Variants in NRG1 observed in about 807,000 individuals in gnomAD.
NRG1 encodes the protein pro-neuregulin-1, membrane-bound isoform.
NRG1 carries 18 observed loss-of-function variants against 63.8 expected under a neutral mutation model. That is an observed-to-expected ratio of 0.28 (90% CI 0.19 to 0.42). NRG1 has a LOEUF of 0.42. NRG1 is among the 10% of genes least tolerant of loss of function. The pLI is 1.00. For missense variants in NRG1, 762 were observed against 814.7 expected (o/e 0.94, Z 0.79); for synonymous variants, 302 against 301.3 (o/e 1.00, Z -0.02).
chr8:31,717,463 G>A (rs1004631524), intron 1 of NRG1, among the ~76,000 whole-genome samples: 1 of 151,294 alleles, frequency 6.6e-6, no homozygotes, highest in Non-Finnish European at 1.5e-5. Context: ...TAACATGGGG[G>A]CCTGGGTGAG....
At chr8:31,837,670 G>C (rs917580896) in intron 1 of NRG1, among the ~76,000 whole-genome samples, 1 of 151,956 alleles carries the variant, frequency 6.6e-6, no homozygotes, top group African/African-American at 2.4e-5. Context: ...GGTAACTACT[G>C]TCCTACTTTC....
intron 5 of NRG1, among the ~76,000 whole-genome samples, chr8:32,675,700 T>G (rs1397226386): frequency 1.3e-5 from 2 of 152,180 alleles, no homozygotes; most frequent in African/African-American, 4.8e-5. Context: ...GATACTAGCT[T>G]GGTATGCACG....
chr8:32,290,592 G>A (rs762956879), intron 1 of NRG1, among the ~76,000 whole-genome samples: 5 of 152,038 alleles, frequency 3.3e-5, no homozygotes, highest in Admixed American at 3.3e-4. Flanking sequence ...ACTGTGCCCT[G>A]TTACAGTGGC....
At chr8:32,759,977 A>G (rs907812936) in intron 10 of NRG1, among the ~76,000 whole-genome samples, 3 of 152,194 alleles carry the variant, frequency 2.0e-5, no homozygotes, top group African/African-American at 2.4e-5. Context: ...GAATGAGTGG[A>G]CAAGTGAATA....
chr8:31,776,793 G>GT (rs1045365189), intron 1 of NRG1, among the ~76,000 whole-genome samples: 6 of 151,952 alleles, frequency 3.9e-5, no homozygotes, highest in African/African-American at 1.2e-4. Context: ...GCGGTGTTTG[G>GT]TTTTTTGTCC....
At chr8:32,666,073 G>A (rs1182947845) in intron 5 of NRG1, among the ~76,000 whole-genome samples, 1 of 152,136 alleles carries the variant, frequency 6.6e-6, no homozygotes, top group African/African-American at 2.4e-5. Context: ...CTTCTTTTAT[G>A]AGCAATTCTT....
chr8:32,642,900 T>C (rs889456499), intron 5 of NRG1, among the ~76,000 whole-genome samples: 2 of 152,226 alleles, frequency 1.3e-5, no homozygotes, highest in Non-Finnish European at 2.9e-5. Flanking sequence ...TTCTCTTTCA[T>C]CTGTTGGAGC....
chr8:32,215,383 T>C (rs1444317490), intron 1 of NRG1, among the ~76,000 whole-genome samples: 1 of 152,200 alleles, frequency 6.6e-6, no homozygotes, highest in Non-Finnish European at 1.5e-5. Flanking sequence ...GGACTCCTTC[T>C]AGCTGTTAAC....
At chr8:32,388,109 A>C (rs1441667664) in intron 1 of NRG1, among the ~76,000 whole-genome samples, 1 of 152,214 alleles carries the variant, frequency 6.6e-6, no homozygotes, top group African/African-American at 2.4e-5. Context: ...AGCCTTATTC[A>C]GCACTACCCA....
At chr8:31,696,528 A>G (rs1469771568) in intron 1 of NRG1, among the ~76,000 whole-genome samples, 1 of 152,214 alleles carries the variant, frequency 6.6e-6, no homozygotes, top group African/African-American at 2.4e-5. Flanking sequence ...ACAAAGTGTC[A>G]GACCTTACAC....
chr8:32,645,820 C>T (rs1170308053), intron 5 of NRG1, among the ~76,000 whole-genome samples: 1 of 152,132 alleles, frequency 6.6e-6, no homozygotes, highest in East Asian at 1.9e-4. Context: ...CAGCACAGTG[C>T]TTGGGGAAGC....
At position 32,344,205 on chromosome 8, in the gene NRG1, TG is replaced by T. The variant is rs377068174; in HGVS notation, c.38-251620del. 2.3e-3 allele frequency among the ~76,000 whole-genome samples: 343 copies of T among 152,338 alleles called. 1 individual carries two copies. The highest frequency in any genetic ancestry group is 7.7e-3 in the African/African-American group (321 of 41,582). On this transcript the variant is annotated intron_variant, in intron 1 of 10. Coordinates refer to the NRG1 transcript ENST00000519301. ...TACTTTAATTTTAATTGTACCCATC[TG>T]GGTTCTTCGAAATGGCAAGTATTTC...
chr8:32,347,589 T>A (rs1805072545), intron 1 of NRG1, among the ~76,000 whole-genome samples: 1 of 152,232 alleles, frequency 6.6e-6, no homozygotes. Flanking sequence ...TCTAGTTTAA[T>A]GTACTTGTTG....
chr8:32,617,852 TC>T (rs1847657201), intron 5 of NRG1, among the ~76,000 whole-genome samples: 1 of 152,174 alleles, frequency 6.6e-6, no homozygotes, highest in Non-Finnish European at 1.5e-5. Flanking sequence ...TTTAAATAAA[TC>T]CTGTTTGATG....
intron 1 of NRG1, among the ~76,000 whole-genome samples, chr8:32,340,569 T>C (rs1407020736): frequency 9.2e-5 from 14 of 152,216 alleles, no homozygotes; most frequent in Non-Finnish European, 5.9e-5. Flanking sequence ...ATACATACCA[T>C]ATAAGTTGGC....
chr8:32,205,276 C>A lies in NRG1; in HGVS notation c.38-390552C>A, dbSNP rs559252178. On this transcript the variant is annotated intron_variant, in intron 1 of 10. Transcript: ENST00000519301. ...CATTACTTATGTAATCAAAGGTGCCCAATACGTGTTACTTAAAGAATCTCT... is the reference window on the plus strand; with the variant it reads ...CATTACTTATGTAATCAAAGGTGCCAAATACGTGTTACTTAAAGAATCTCT... Among the ~76,000 whole-genome samples, 69 of 152,118 alleles carry A rather than the reference C, an allele frequency of 4.5e-4. 1 individual carries two copies. Among genetic ancestry groups the A allele is most frequent in the African/African-American group, 1.5e-3 (62 of 41,492 alleles).
At chr8:31,753,603 C>A (rs986050742) in intron 1 of NRG1, among the ~76,000 whole-genome samples, 1 of 152,016 alleles carries the variant, frequency 6.6e-6, no homozygotes, top group Non-Finnish European at 1.5e-5. Context: ...GTGGAGACTG[C>A]GGCATTCACC....
At chr8:31,837,191 A>G (rs1293209299) in intron 1 of NRG1, among the ~76,000 whole-genome samples, 1 of 152,006 alleles carries the variant, frequency 6.6e-6, no homozygotes, top group Non-Finnish European at 1.5e-5. Flanking sequence ...CATTTTCTTC[A>G]GTTGTTTGCC....
At chr8:32,288,117 A>C (rs1218353255) in intron 1 of NRG1, among the ~76,000 whole-genome samples, 4 of 152,202 alleles carry the variant, frequency 2.6e-5, no homozygotes, top group African/African-American at 4.8e-5. Context: ...GGTTGATTCC[A>C]AATCAAGTTA....
Sources: allele counts gnomAD v4.1 joint callset (sites outside exome capture counted in the v4.1 genomes callset), GRCh38; gene constraint gnomAD v4.1.1; transcripts MANE v1.5; gene names NCBI Gene and HGNC (gene_info 2026-07-23, HGNC 2026-07-21).